TNFSF4: variants seen among roughly 807,000 people sequenced by gnomAD.
TNFSF4 encodes the protein TNF superfamily member 4.
Under a neutral mutation model 7.3 loss-of-function variants are expected in TNFSF4, and 4 were observed. The ratio of observed to expected loss-of-function variants is 0.55; its 90% CI spans 0.27 to 1.25. TNFSF4 has a LOEUF of 1.25. Among genes scored for constraint, TNFSF4 ranks in the 50% most tolerant of loss-of-function variants. The pLI is 0.12. For synonymous variants in TNFSF4, 76 were observed against 83.7 expected, an observed-to-expected ratio of 0.91 and a Z score of 0.50; for missense variants, 181 against 208.8, an observed-to-expected ratio of 0.87 and a Z score of 0.82.
the TNFSF4 span, among the ~76,000 whole-genome samples, chr1:173,275,893 T>C: frequency 4.3e-4 from 65 of 152,286 alleles, no homozygotes; most frequent in Non-Finnish European, 8.1e-4. Flanking sequence ...GACACTATTC[T>C]AGTAGCTTAA....
At position 173,186,578 on chromosome 1, in the gene TNFSF4, G is replaced by C; in HGVS notation, c.490C>G (p.His164Asp). The C allele has an allele frequency of 6.2e-7, 1 of 1,614,116 alleles. No homozygotes were observed. Among genetic ancestry groups the C allele is most frequent in the Non-Finnish European group, 8.5e-7 (1 of 1,179,994 alleles). The change falls in exon 3 of 3, where the codon CAT (histidine) becomes GAT (aspartate). Residue 164 changes from histidine to aspartate, a missense_variant. Coordinates refer to ENST00000281834, the MANE Select transcript of TNFSF4 (RefSeq NM_003326.5). ...AGAATCAGTTCTCCGCCATTCACAT[G>C]GAAGTCATCCAGGGAGGTATTGTCA... The part of the protein sequence containing the change: ...TTDNTSLDDF[H>D]VNGGELILIH...
chr1:173,195,947 C>T (rs1051512864), intron 1 of TNFSF4, among the ~76,000 whole-genome samples: 3 of 152,180 alleles, frequency 2.0e-5, no homozygotes, highest in Non-Finnish European at 4.4e-5. Context: ...CCTCCCCGCA[C>T]CTTGGGCTTC....
chr1:173,379,071 T>C, the TNFSF4 span, among the ~76,000 whole-genome samples: 3 of 152,054 alleles, frequency 2.0e-5, no homozygotes, highest in East Asian at 1.9e-4. Context: ...TCAATCTCAC[T>C]TGGAGAGATG....
the TNFSF4 span, among the ~76,000 whole-genome samples, chr1:173,442,874 G>A: frequency 1.3e-5 from 2 of 151,764 alleles, no homozygotes; most frequent in Admixed American, 6.6e-5. Context: ...TAGTAGAGAC[G>A]GAGTTTCACC....
the TNFSF4 span, among the ~76,000 whole-genome samples, chr1:173,327,058 A>G: frequency 6.6e-6 from 1 of 152,232 alleles, no homozygotes; most frequent in Non-Finnish European, 1.5e-5. Context: ...TGCATTGCCA[A>G]GTCAATCCTA....
the TNFSF4 span, among the ~76,000 whole-genome samples, chr1:173,422,472 A>AT: frequency 6.6e-6 from 1 of 152,094 alleles, no homozygotes; most frequent in South Asian, 2.1e-4. Context: ...GTATGGTGTG[A>AT]TAACTGTGCA....
At chr1:173,173,340 C>A in the TNFSF4 span, among the ~76,000 whole-genome samples, 8 of 152,176 alleles carry the variant, frequency 5.3e-5, no homozygotes, top group African/African-American at 1.9e-4. Context: ...CAAGGCAAGT[C>A]CCTTTTGCCA....
the TNFSF4 span, among the ~76,000 whole-genome samples, chr1:173,374,010 G>A: frequency 6.6e-6 from 1 of 152,156 alleles, no homozygotes; most frequent in African/African-American, 2.4e-5. Context: ...AGAGAAGGTC[G>A]AGAAGGCAAA....
chr1:173,198,694 C>T (rs941565829), intron 1 of TNFSF4, among the ~76,000 whole-genome samples: 3 of 152,148 alleles, frequency 2.0e-5, no homozygotes, highest in African/African-American at 7.2e-5. Context: ...GTACCCCAAA[C>T]CCCTATGACA....
the TNFSF4 span, among the ~76,000 whole-genome samples, chr1:173,240,020 G>A: frequency 3.9e-5 from 6 of 152,010 alleles, no homozygotes; most frequent in African/African-American, 1.2e-4. Flanking sequence ...GACAGAGCAC[G>A]ACTCTGTCTC....
the TNFSF4 span, among the ~76,000 whole-genome samples, chr1:173,438,994 A>G: frequency 6.6e-6 from 1 of 152,230 alleles, no homozygotes; most frequent in Non-Finnish European, 1.5e-5. Flanking sequence ...AAACAATCTG[A>G]GACTGCCCCA....
the TNFSF4 span, among the ~76,000 whole-genome samples, chr1:173,219,133 G>A: frequency 6.6e-6 from 1 of 152,116 alleles, no homozygotes; most frequent in Non-Finnish European, 1.5e-5. Flanking sequence ...TAAGGCTGTA[G>A]TAGCTGATAC....
chr1:173,334,152 T>C, the TNFSF4 span, among the ~76,000 whole-genome samples: 1 of 152,204 alleles, frequency 6.6e-6, no homozygotes, highest in Non-Finnish European at 1.5e-5. Flanking sequence ...ATTCGTGTTC[T>C]TAATTGGTTG....
At chr1:173,310,742 T>G in the TNFSF4 span, among the ~76,000 whole-genome samples, 1 of 151,738 alleles carries the variant, frequency 6.6e-6, no homozygotes, top group Non-Finnish European at 1.5e-5. Context: ...CAGTGAAGAC[T>G]GTGGATTTCT....
chr1:173,271,852 A>G, the TNFSF4 span, among the ~76,000 whole-genome samples: 2 of 152,200 alleles, frequency 1.3e-5, no homozygotes, highest in Non-Finnish European at 2.9e-5. Context: ...TACTGGGTAT[A>G]TACCCAAAGG....
chr1:173,381,285 G>A, the TNFSF4 span, among the ~76,000 whole-genome samples: 1 of 152,108 alleles, frequency 6.6e-6, no homozygotes, highest in Non-Finnish European at 1.5e-5. Context: ...CACCTTCTTA[G>A]GGGAAAAGTG....
At chr1:173,355,310 T>C in the TNFSF4 span, among the ~76,000 whole-genome samples, 2 of 152,194 alleles carry the variant, frequency 1.3e-5, no homozygotes, top group Admixed American at 1.3e-4. Context: ...TTTTGCTATA[T>C]AAGGTAACAA....
At chr1:173,213,391 C>G in the TNFSF4 span, among the ~76,000 whole-genome samples, 1 of 152,024 alleles carries the variant, frequency 6.6e-6, no homozygotes, top group East Asian at 1.9e-4. Flanking sequence ...TGAAATTTTT[C>G]TCTGAATGGA....
At chr1:173,173,210 C>T in the TNFSF4 span, among the ~76,000 whole-genome samples, 1 of 152,128 alleles carries the variant, frequency 6.6e-6, no homozygotes, top group Non-Finnish European at 1.5e-5. Flanking sequence ...ACCCCTGGTC[C>T]CTCCCAAATC....
Sources: allele counts gnomAD v4.1 joint callset (sites outside exome capture counted in the v4.1 genomes callset), GRCh38; gene constraint gnomAD v4.1.1; transcripts MANE v1.5; gene names NCBI Gene and HGNC (gene_info 2026-07-23, HGNC 2026-07-21).